Variants in ME1 observed in about 807,000 individuals in gnomAD.
The protein encoded by ME1 is malic enzyme 1, also known as NADP-dependent malic enzyme.
In ME1, 74 loss-of-function variants were observed where a neutral mutation model predicts 66.4. The ratio of observed to expected loss-of-function variants is 1.11; its 90% CI spans 0.92 to 1.35. The LOEUF is 1.35. ME1 is among the 40% of genes most tolerant of loss of function. The pLI is 0.00. For missense variants in ME1, 750 were observed against 694.1 expected, an observed-to-expected ratio of 1.08 and a Z score of -0.90; for synonymous variants, 251 against 235.6, an observed-to-expected ratio of 1.07 and a Z score of -0.60.
intron 3 of ME1, chr6:83,393,160 C>T (rs2152183): frequency 1.6e-6 from 2 of 1,280,078 alleles, no homozygotes; most frequent in Non-Finnish European, 2.3e-6. Flanking sequence ...GAAAAACCTA[C>T]CAAATATGAT....
At chr6:83,327,576 G>A (rs541998028) in intron 5 of ME1, among the ~76,000 whole-genome samples, 132 of 152,200 alleles carry the variant, frequency 8.7e-4, no homozygotes, top group African/African-American at 3.1e-3. Flanking sequence ...ACAAATTTTG[G>A]TCAGACCAGT....
intron 7 of ME1, among the ~76,000 whole-genome samples, chr6:83,243,431 TTATATAATATATTATATAATTA>T (rs1790545628): frequency 1.6e-5 from 2 of 125,364 alleles, no homozygotes; most frequent in Admixed American, 1.8e-4. Context: ...ATTTATATAT[TTATATAATATATTATATAATTA>T]GATTATATTT....
At chr6:83,392,749 T>A (rs1331701880) in intron 3 of ME1, 7 of 651,426 alleles carry the variant, frequency 1.1e-5, no homozygotes, top group Non-Finnish European at 2.0e-5. Flanking sequence ...TGGGGCTCAC[T>A]TGGAGGGAGG....
chr6:83,284,505 T>C (rs549318011), intron 6 of ME1, among the ~76,000 whole-genome samples: 5 of 152,142 alleles, frequency 3.3e-5, no homozygotes, highest in Non-Finnish European at 7.4e-5. Flanking sequence ...GACAAAATAC[T>C]AGCAAACCAA....
chr6:83,310,323 G>C (rs1414840433), intron 6 of ME1, among the ~76,000 whole-genome samples: 1 of 152,140 alleles, frequency 6.6e-6, no homozygotes. Context: ...TAGCTTCAGA[G>C]TTCCCCACGG....
intron 7 of ME1, among the ~76,000 whole-genome samples, chr6:83,244,802 CAG>C (rs1452697318): frequency 6.6e-6 from 1 of 151,800 alleles, no homozygotes; most frequent in Admixed American, 6.6e-5. Flanking sequence ...ATTTAAGGAA[CAG>C]AGGGCAGAAA....
At chr6:83,356,899 A>G (rs960087644) in intron 3 of ME1, among the ~76,000 whole-genome samples, 9 of 152,202 alleles carry the variant, frequency 5.9e-5, no homozygotes, top group African/African-American at 1.7e-4. Flanking sequence ...TAATCCTCAG[A>G]CATCATTCAC....
intron 5 of ME1, among the ~76,000 whole-genome samples, chr6:83,318,643 T>A (rs1768086715): frequency 8.3e-5 from 1 of 12,062 alleles, no homozygotes; most frequent in African/African-American, 2.6e-4. Context: ...CATTAAAAAG[T>A]CAGGAAACAA....
intron 1 of ME1, among the ~76,000 whole-genome samples, chr6:83,410,516 A>G (rs1289568141): frequency 1.3e-5 from 2 of 152,182 alleles, no homozygotes; most frequent in Non-Finnish European, 2.9e-5. Context: ...AACTCCTTGG[A>G]ATGAAACAAA....
intron 12 of ME1, among the ~76,000 whole-genome samples, chr6:83,218,011 A>G (rs1372482595): frequency 6.6e-6 from 1 of 152,226 alleles, no homozygotes; most frequent in Admixed American, 6.5e-5. Context: ...ACAAAATATT[A>G]TAACATATAA....
At chr6:83,263,601 A>G (rs2128529925) in intron 6 of ME1, among the ~76,000 whole-genome samples, 1 of 152,278 alleles carries the variant, frequency 6.6e-6, no homozygotes, top group East Asian at 1.9e-4. Flanking sequence ...AGCCAGTCAC[A>G]ACATTTCCTT....
intron 7 of ME1, among the ~76,000 whole-genome samples, chr6:83,247,748 A>G (rs978304638): frequency 6.6e-6 from 1 of 152,170 alleles, no homozygotes; most frequent in Non-Finnish European, 1.5e-5. Flanking sequence ...TAAGGGCACG[A>G]TTTTGCATGA....
At chr6:83,414,595 A>G (rs1770123710) in intron 1 of ME1, among the ~76,000 whole-genome samples, 1 of 152,120 alleles carries the variant, frequency 6.6e-6, no homozygotes, top group Non-Finnish European at 1.5e-5. Context: ...TTTAAATGAC[A>G]TGTTTGCTTA....
Position 83,281,614 on chromosome 6 carries a change from T to C in ME1, c.705-27876A>G, listed in dbSNP as rs561069079. ...TGAGGTCGGGAGTTTGAGACCAGCC[T>C]GGCCAAGATGGTGAAACCCCATCTC... On this transcript the variant is annotated intron_variant, in intron 6 of 13. Transcript: ENST00000369705. 5.3e-5 allele frequency among the ~76,000 whole-genome samples: 8 copies of C among 151,772 alleles called. No homozygotes were observed. The South Asian group carries it at 1.7e-3, about 32-fold the overall frequency.
chr6:83,345,456 A>G lies in ME1; in HGVS notation c.600+717T>C, dbSNP rs79350700. Among the ~76,000 whole-genome samples the G allele has an allele frequency of 4.2e-3, 642 of 152,334 alleles. 5 individuals carry two copies. Among genetic ancestry groups the G allele is most frequent in the African/African-American group, 0.014 (600 of 41,582 alleles). Reference sequence around the variant, plus strand: ...TCACATTACTTACAGATCAAAAGTTATATCTTCAATTGTTTTAGAAGGAGA... The same window carrying G: ...TCACATTACTTACAGATCAAAAGTTGTATCTTCAATTGTTTTAGAAGGAGA... On this transcript the variant is annotated intron_variant, in intron 5 of 13. Transcript: ENST00000369705.
At chr6:83,388,643 C>A (rs1379473062) in intron 3 of ME1, among the ~76,000 whole-genome samples, 1 of 152,082 alleles carries the variant, frequency 6.6e-6, no homozygotes, top group Admixed American at 6.6e-5. Context: ...TTTTTGATTT[C>A]ATTTAATTCT....
intron 3 of ME1, among the ~76,000 whole-genome samples, chr6:83,380,889 C>A (rs1377325807): frequency 6.6e-6 from 1 of 151,958 alleles, no homozygotes; most frequent in Non-Finnish European, 1.5e-5. Flanking sequence ...CAAGAACCAA[C>A]ATTTTAGTGG....
intron 3 of ME1, among the ~76,000 whole-genome samples, chr6:83,379,141 C>T (rs963440067): frequency 3.3e-5 from 5 of 152,012 alleles, no homozygotes; most frequent in South Asian, 2.1e-4. Flanking sequence ...AATAAAGAAA[C>T]CATACTACCA....
rs978964600 is a variant in ME1, at chr6:83,294,950, C to T, written c.704+20360G>A. ...ATAAACACTGAGATTGCTCCAGAAC[C>T]GTGGTGTGCAGCCCCGGAGTGCCAC... is the stretch of plus-strand genomic sequence containing the variant. On this transcript the variant is annotated intron_variant, in intron 6 of 13. Transcript: ENST00000369705. Among the ~76,000 whole-genome samples, 8 of 152,172 alleles carry T rather than the reference C, an allele frequency of 5.3e-5. No individual in the cohort carries two copies. The East Asian group carries it at 5.8e-4, about 11-fold the overall frequency.
Sources: gnomAD v4.1 joint callset for allele counts (sites outside exome capture counted in the v4.1 genomes callset) on GRCh38, gnomAD v4.1.1 for gene constraint, MANE v1.5 for transcripts, NCBI Gene and HGNC (gene_info 2026-07-23, HGNC 2026-07-21) for gene names.